HKDC1: variants seen among roughly 807,000 people sequenced by gnomAD.
HKDC1 encodes hexokinase domain containing 1.
A neutral mutation model predicts 96.6 loss-of-function variants in HKDC1; 66 were observed. The ratio of observed to expected loss-of-function variants is 0.68; its 90% CI spans 0.56 to 0.84. HKDC1 has a LOEUF of 0.84. HKDC1 is among the 40% of genes least tolerant of loss of function. The pLI is 0.00. For synonymous variants in HKDC1, 466 were observed against 473.1 expected, an observed-to-expected ratio of 0.98 and a Z score of 0.20; for missense variants, 1,211 against 1,208.1, an observed-to-expected ratio of 1.00 and a Z score of -0.04.
chr10:69,260,698 C>A (rs1843791745), intron 15 of HKDC1, among the ~76,000 whole-genome samples: 2 of 152,154 alleles, frequency 1.3e-5, no homozygotes, highest in African/African-American at 4.8e-5. Context: ...CAGTACAAGG[C>A]CCCTTTTCTC....
chr10:69,261,722 G>T, intron 16 of HKDC1: 1 of 172,806 alleles, frequency 5.8e-6, no homozygotes, highest in Admixed American at 5.5e-5. Flanking sequence ...AAAAATTAAT[G>T]GTTTTTACAG....
chr10:69,222,356 A>G (rs1022144688), intron 1 of HKDC1, among the ~76,000 whole-genome samples: 1 of 145,860 alleles, frequency 6.9e-6, no homozygotes, highest in African/African-American at 2.4e-5. Flanking sequence ...AAAACATTAT[A>G]AAGCAATCAC....
At chr10:69,250,685 C>G in intron 12 of HKDC1, 33 bp downstream of exon 12, 2 of 1,609,650 alleles carry the variant, frequency 1.2e-6, no homozygotes, top group Non-Finnish European at 1.7e-6. Flanking sequence ...ACGGCCAGCC[C>G]AGTGGGCTTC....
chr10:69,245,798 G>C (rs1843531375), intron 7 of HKDC1, among the ~76,000 whole-genome samples: 1 of 152,166 alleles, frequency 6.6e-6, no homozygotes, highest in African/African-American at 2.4e-5. Flanking sequence ...GGAAGCATCT[G>C]AGTGTGAAAT....
At chr10:69,249,582 G>A (rs1230802370) in intron 10 of HKDC1, among the ~76,000 whole-genome samples, 2 of 152,154 alleles carry the variant, frequency 1.3e-5, no homozygotes, top group East Asian at 1.9e-4. Flanking sequence ...TGCAAGCTCC[G>A]CCTCCCAGGT....
At chr10:69,229,219 CA>C (rs376524186) in intron 2 of HKDC1, among the ~76,000 whole-genome samples, 173 of 152,326 alleles carry the variant, frequency 1.1e-3, no homozygotes, top group African/African-American at 3.9e-3. Flanking sequence ...TGGGAGCTCT[CA>C]GGGGGCTTTG....
chr10:69,225,351 C>T (rs989677645), intron 1 of HKDC1, among the ~76,000 whole-genome samples: 8 of 152,318 alleles, frequency 5.3e-5, no homozygotes, highest in South Asian at 2.1e-4. Context: ...ACTTGGGTCA[C>T]GTCCTTTGCA....
Position 69,243,943 on chromosome 10 carries a change from A to G in HKDC1, c.875+578A>G, listed in dbSNP as rs1239954881. On this transcript the variant is annotated intron_variant, in intron 7 of 17. Coordinates refer to ENST00000354624, the MANE Select transcript of HKDC1 (RefSeq NM_025130.4). ...TTCAGTCAGTATTTGTGGGTTACGT[A>G]TGTGCATGATAGGCACTGAAGATAA... is the stretch of plus-strand genomic sequence containing the variant. Among the ~76,000 whole-genome samples, 4 of 152,188 alleles carry G rather than the reference A, an allele frequency of 2.6e-5. No individual in the cohort carries two copies. In the East Asian group the frequency reaches 7.7e-4, roughly 29 times the overall value.
At chr10:69,264,550 A>G (rs1444476331) in intron 16 of HKDC1, among the ~76,000 whole-genome samples, 2 of 151,976 alleles carry the variant, frequency 1.3e-5, no homozygotes, top group Admixed American at 6.6e-5. Context: ...AAAATTTTTT[A>G]GAGATGGGGT....
rs117252267 is a variant in HKDC1 at position 69,237,993 on chromosome 10, C to A, written c.496-1049C>A. Among the ~76,000 whole-genome samples the A allele has an allele frequency of 3.0e-3, 450 of 152,366 alleles. 4 individuals are homozygous for A. The highest frequency in any genetic ancestry group is 0.028 in the East Asian group (146 of 5,194). The stretch of plus-strand genomic sequence containing the variant: ...GACGACTTGGGCGATTCTCTTTTAA[C>A]TTCCAAGTTCTCTTCCAGTCTGAAA... On this transcript the variant is annotated intron_variant, in intron 4 of 17. Coordinates refer to ENST00000354624, the MANE Select transcript of HKDC1 (RefSeq NM_025130.4).
chr10:69,232,629 C>T (rs1022227242), intron 2 of HKDC1, 135 bp from the exon 3 acceptor site: 17 of 831,152 alleles, frequency 2.0e-5, no homozygotes, highest in Non-Finnish European at 3.1e-5. Flanking sequence ...GAGTCCTCAG[C>T]CTTGGCAAAT....
rs573245969 is a variant in HKDC1 at position 69,227,446 on chromosome 10, C to T, written c.226+77C>T. ...TGTCTAAAGTACCTAAGGTTTGCCC[C>T]TGTACCTTGGCTTCTCTCTCTAGCC... On this transcript the variant is annotated intron_variant, in intron 2 of 17. Transcript: ENST00000354624. The T allele has an allele frequency of 2.7e-5, 42 of 1,527,984 alleles. No homozygotes were observed. The East Asian group carries it at 8.7e-4, about 32-fold the overall frequency. The allele number at this position is 1,527,984 out of a possible 1,614,324, so 94.7% of individuals were successfully genotyped here.
At chr10:69,265,872 G>A in intron 17 of HKDC1, 54 bp downstream of exon 17, 3 of 1,332,440 alleles carry the variant, frequency 2.3e-6, no homozygotes, top group Non-Finnish European at 3.2e-6. Flanking sequence ...TGGCGGCCAA[G>A]TGTGGACTTG....
chr10:69,267,094 T>C lies in HKDC1; in HGVS notation c.*337T>C. On this transcript the variant is annotated 3_prime_UTR_variant, in exon 18 of 18. Transcript: ENST00000354624. ...CTTGTGGCTGCGGGACTTGGAAATA[T>C]ATAGAATCTGCCCATGTGGCTGGCA... is the stretch of plus-strand genomic sequence containing the variant. 8.5e-6 allele frequency: 2 copies of C among 234,852 alleles called. No homozygotes were observed. Among genetic ancestry groups the C allele is most frequent in the Non-Finnish European group, 1.7e-5 (2 of 120,350 alleles). 14.5% of individuals were successfully genotyped at this position (234,852 alleles called of 1,614,324 possible). A position where few individuals can be genotyped will look rare whatever the true frequency, so the allele number is the denominator to read the frequency against.
intron 1 of HKDC1, among the ~76,000 whole-genome samples, chr10:69,220,891 T>A (rs1589398492): frequency 6.6e-6 from 1 of 152,248 alleles, no homozygotes; most frequent in African/African-American, 2.4e-5. Context: ...GGCTCACGCC[T>A]GTAATCCTAG....
At chr10:69,234,607 G>A (rs1201228085) in intron 4 of HKDC1, among the ~76,000 whole-genome samples, 1 of 152,238 alleles carries the variant, frequency 6.6e-6, no homozygotes, top group African/African-American at 2.4e-5. Flanking sequence ...TTGGGCTGAG[G>A]TGAAGCTTAG....
In HKDC1 at chr10:69,227,371, T is replaced by C; in HGVS notation, c.226+2T>C. 1 of 1,614,130 alleles carries C rather than the reference T, an allele frequency of 6.2e-7. No individual in the cohort carries two copies. Among genetic ancestry groups the C allele is most frequent in the Non-Finnish European group, 8.5e-7 (1 of 1,179,982 alleles). On this transcript the variant is annotated splice_donor_variant, in intron 2 of 17. Transcript: ENST00000354624. LOFTEE classifies it high-confidence loss of function. ...TCAGGGCCATTCCCGATGGTTCCGG[T>C]GAGTGCAGTTGTCCGCTGCCAGGGT...
At chr10:69,233,209 C>G in intron 4 of HKDC1, 76 bp downstream of exon 4, 2 of 1,576,694 alleles carry the variant, frequency 1.3e-6, no homozygotes, top group Non-Finnish European at 1.7e-6. Flanking sequence ...TCAGGCTGCA[C>G]GCAGGAGAGA....
chr10:69,262,830 C>T (rs144112619), intron 16 of HKDC1, among the ~76,000 whole-genome samples: 4 of 152,258 alleles, frequency 2.6e-5, no homozygotes, highest in South Asian at 2.1e-4. Context: ...AAAATCATCA[C>T]GCTTGGTGAC....
Sources: allele counts gnomAD v4.1 joint callset (sites outside exome capture counted in the v4.1 genomes callset), GRCh38; gene constraint gnomAD v4.1.1; transcripts MANE v1.5; gene names NCBI Gene and HGNC (gene_info 2026-07-23, HGNC 2026-07-21).